ELP4: variants seen among roughly 807,000 people sequenced by gnomAD.
ELP4 encodes the protein elongator acetyltransferase complex subunit 4.
Under a neutral mutation model 48.9 loss-of-function variants are expected in ELP4, and 51 were observed. The observed-to-expected ratio is 1.04, with a 90% CI of 0.83 to 1.32. The LOEUF is 1.32. Ranked by LOEUF, ELP4 falls within the 40% of genes most tolerant of loss-of-function variation. The pLI is 0.00. For synonymous variants in ELP4, 210 were observed against 189.2 expected (o/e 1.11, Z -0.90); for missense variants, 519 against 514.6 (o/e 1.01, Z -0.08).
At chr11:31,727,894 A>G (rs1194282583) in intron 9 of ELP4, 1 of 152,180 alleles carries the variant, frequency 6.6e-6, no homozygotes, top group Non-Finnish European at 1.5e-5. Flanking sequence ...CTAAGTGCAC[A>G]TCTATTGAAT....
At chr11:31,510,320 T>C in intron 1 of ELP4, 1 of 508,588 alleles carries the variant, frequency 2.0e-6, no homozygotes, top group Non-Finnish European at 3.5e-6. Flanking sequence ...CATTAATTTA[T>C]GGAGATGGTT....
chr11:31,689,170 T>C (rs1565113068), intron 9 of ELP4: 1 of 151,972 alleles, frequency 6.6e-6, no homozygotes, highest in Non-Finnish European at 1.5e-5. Flanking sequence ...TACTTGAAAA[T>C]AATGGAAAGC....
At chr11:31,742,192 G>C (rs1947470747) in intron 9 of ELP4, among the ~76,000 whole-genome samples, 6 of 152,136 alleles carry the variant, frequency 3.9e-5, no homozygotes, top group Admixed American at 3.3e-4. Flanking sequence ...GAAAAGTTTA[G>C]AGAAAAAAGA....
intron 9 of ELP4, among the ~76,000 whole-genome samples, chr11:31,709,295 T>C (rs969162786): frequency 6.6e-6 from 1 of 152,160 alleles, no homozygotes; most frequent in Non-Finnish European, 1.5e-5. Flanking sequence ...TACTTTTAAA[T>C]AGGATTTTCA....
intron 9 of ELP4, among the ~76,000 whole-genome samples, chr11:31,746,108 A>G (rs1261750849): frequency 1.3e-5 from 2 of 149,480 alleles, no homozygotes; most frequent in Non-Finnish European, 2.9e-5. Context: ...AAAAGAAGAC[A>G]TTTATGCAGC....
At position 31,682,260 on chromosome 11, in the gene ELP4, C is replaced by G. The variant is rs183403432; in HGVS notation, c.1143+32039C>G. On this transcript the variant is annotated intron_variant, in intron 9 of 9. Transcript: ENST00000640961. ...AGAGGAGGAAGAATCATAGATTACT[C>G]AAGGCTGTAATATTAGTGGCCCATC... is the stretch of plus-strand genomic sequence containing the variant. Among the ~76,000 whole-genome samples, 5 of 152,268 alleles carry G rather than the reference C, an allele frequency of 3.3e-5. No individual in the cohort carries two copies. The East Asian group carries it at 9.6e-4, about 29-fold the overall frequency.
chr11:31,653,346 G>C (rs111446741), intron 9 of ELP4: 146 of 151,814 alleles, frequency 9.6e-4, no homozygotes, highest in African/African-American at 3.3e-3. Context: ...GCTATATATA[G>C]TAACAGTCTG....
At chr11:31,681,463 A>G (rs929616768) in intron 9 of ELP4, among the ~76,000 whole-genome samples, 1 of 152,228 alleles carries the variant, frequency 6.6e-6, no homozygotes, top group Non-Finnish European at 1.5e-5. Context: ...TCCACCAGAA[A>G]AGTGAATACA....
intron 3 of ELP4, among the ~76,000 whole-genome samples, chr11:31,557,001 T>A (rs1956941003): frequency 6.6e-6 from 1 of 151,870 alleles, no homozygotes; most frequent in Non-Finnish European, 1.5e-5. Flanking sequence ...CTAGAAAATC[T>A]TTCATAATTG....
intron 2 of ELP4, among the ~76,000 whole-genome samples, chr11:31,536,948 A>G (rs1565040727): frequency 6.6e-6 from 1 of 152,150 alleles, no homozygotes; most frequent in Non-Finnish European, 1.5e-5. Flanking sequence ...AAATCTTCCT[A>G]TTAGCTGTCT....
rs1592201111 is a variant in ELP4 at position 31,661,892 on chromosome 11, T to C, written c.1143+11671T>C. ...AAATGGAATTTTAACACATTTTGGATATTCTACAATTTTATTTAAATACAC... is the reference window on the plus strand; with the variant it reads ...AAATGGAATTTTAACACATTTTGGACATTCTACAATTTTATTTAAATACAC... On this transcript the variant is annotated intron_variant, in intron 9 of 9. Coordinates refer to ENST00000640961, the MANE Select transcript of ELP4 (RefSeq NM_019040.5). Among the ~76,000 whole-genome samples the C allele has an allele frequency of 1.3e-5, 2 of 152,210 alleles. 1 individual carries two copies. The highest frequency in any genetic ancestry group is 4.8e-5 in the African/African-American group (2 of 41,576).
intron 3 of ELP4, among the ~76,000 whole-genome samples, chr11:31,554,740 C>T (rs554103716): frequency 3.3e-5 from 5 of 152,180 alleles, no homozygotes; most frequent in African/African-American, 1.2e-4. Flanking sequence ...TTCTTCCACC[C>T]TCCAGCCCAT....
chr11:31,591,128 C>T (rs1957562160), intron 3 of ELP4, among the ~76,000 whole-genome samples: 1 of 151,996 alleles, frequency 6.6e-6, no homozygotes, highest in African/African-American at 2.4e-5. Flanking sequence ...GGGATAAGGG[C>T]CAGACACAGT....
chr11:31,760,348 C>T (rs537026916), intron 9 of ELP4, among the ~76,000 whole-genome samples: 1 of 152,152 alleles, frequency 6.6e-6, no homozygotes, highest in Non-Finnish European at 1.5e-5. Context: ...TTTCTTCTTT[C>T]CTGTGGATTT....
chr11:31,650,450 C>G, intron 9 of ELP4: 1 of 356,314 alleles, frequency 2.8e-6, no homozygotes. Context: ...TTTTGAATAT[C>G]TATTAAAAGT....
intron 9 of ELP4, among the ~76,000 whole-genome samples, chr11:31,781,366 G>A (rs1193667408): frequency 6.6e-6 from 1 of 151,298 alleles, no homozygotes; most frequent in Non-Finnish European, 1.5e-5. Context: ...TTAAAACTCA[G>A]ACATAAAATT....
At chr11:31,699,793 T>A (rs766062013) in intron 9 of ELP4, among the ~76,000 whole-genome samples, 13 of 152,140 alleles carry the variant, frequency 8.5e-5, no homozygotes, top group Non-Finnish European at 1.9e-4. Flanking sequence ...ATCACCTTGA[T>A]GTGTAGCCTT....
intron 3 of ELP4, among the ~76,000 whole-genome samples, chr11:31,565,182 G>A (rs577105271): frequency 6.6e-6 from 1 of 152,284 alleles, no homozygotes; most frequent in South Asian, 2.1e-4. Flanking sequence ...CTTCTTTTGA[G>A]AAGTGTCTGT....
intron 3 of ELP4, among the ~76,000 whole-genome samples, chr11:31,577,604 G>C (rs1957308563): frequency 6.6e-6 from 1 of 152,040 alleles, no homozygotes. Flanking sequence ...CCACGATCAA[G>C]TTGTCTTCAT....
Sources: allele counts gnomAD v4.1 joint callset (sites outside exome capture counted in the v4.1 genomes callset), GRCh38; gene constraint gnomAD v4.1.1; transcripts MANE v1.5; gene names NCBI Gene and HGNC (gene_info 2026-07-23, HGNC 2026-07-21).